Variants in ANKFN1 observed in about 807,000 individuals in gnomAD.
ANKFN1 encodes ankyrin repeat and fibronectin type-III domain-containing protein 1.
A neutral mutation model predicts 108.7 loss-of-function variants in ANKFN1; 74 were observed. The ratio of observed to expected loss-of-function variants is 0.68; its 90% CI spans 0.56 to 0.83. ANKFN1 has a LOEUF of 0.83. Among genes scored for constraint, ANKFN1 ranks in the 40% least tolerant of loss-of-function variants. The pLI, the probability that ANKFN1 is intolerant of heterozygous loss-of-function variation, is 0.00. For missense variants in ANKFN1, 1,505 were observed against 1,382.3 expected (o/e 1.09, Z -1.41); for synonymous variants, 547 against 516.2 (o/e 1.06, Z -0.81).
At chr17:56,112,228 A>C (rs1906006941) in intron 4 of ANKFN1, among the ~76,000 whole-genome samples, 1 of 152,100 alleles carries the variant, frequency 6.6e-6, no homozygotes, top group Admixed American at 6.6e-5. Context: ...TCATGGCTAA[A>C]AACCATTCTA....
chr17:56,153,434 T>C, upstream of ANKFN1: 1 of 1,570,726 alleles, frequency 6.4e-7, no homozygotes, highest in Non-Finnish European at 8.8e-7. Context: ...AACGGGACCG[T>C]GTGGACATTC....
intron 2 of ANKFN1, among the ~76,000 whole-genome samples, chr17:56,213,897 G>C (rs1410839867): frequency 6.6e-6 from 1 of 152,190 alleles, no homozygotes; most frequent in Non-Finnish European, 1.5e-5. Context: ...CAAAGGATGG[G>C]AGGACAGTCC....
rs567267800 is a variant in ANKFN1 at position 56,336,592 on chromosome 17, A to G, written c.188+10237A>G. On this transcript the variant is annotated intron_variant, in intron 4 of 20. Coordinates refer to ENST00000682825, the MANE Select transcript of ANKFN1 (RefSeq NM_001370326.1). ...CCCTTTATCATTTTTTATTGCATCTATTTGATTCTTCTCTCTTTTCCTCTT... is the reference window on the plus strand; with the variant it reads ...CCCTTTATCATTTTTTATTGCATCTGTTTGATTCTTCTCTCTTTTCCTCTT... Among the ~76,000 whole-genome samples, 9 of 152,046 alleles carry G rather than the reference A, an allele frequency of 5.9e-5. No individual in the cohort carries two copies. The East Asian group carries it at 1.7e-3, about 29-fold the overall frequency.
chr17:56,505,560 A>G (rs1479666226), intron 20 of ANKFN1, among the ~76,000 whole-genome samples: 1 of 152,224 alleles, frequency 6.6e-6, no homozygotes, highest in African/African-American at 2.4e-5. Context: ...ATATTTACTA[A>G]GCAGAGATGA....
At position 56,466,452 on chromosome 17, in the gene ANKFN1, A is replaced by T; in HGVS notation, c.1654A>T (p.Met552Leu). The change falls in exon 15 of 21, where the codon ATG (methionine) becomes TTG (leucine). Residue 552 changes from methionine to leucine, a missense_variant. Coordinates refer to ENST00000682825, the MANE Select transcript of ANKFN1 (RefSeq NM_001370326.1). ...ILIVTIREVE[M>L]LYSFFNGKWM... Reference sequence around the variant, plus strand: ...CATAGTCACCATCAGGGAGGTGGAGATGCTTTATTCATTTTTTAATGGCAA... The same window carrying T: ...CATAGTCACCATCAGGGAGGTGGAGTTGCTTTATTCATTTTTTAATGGCAA... 6.2e-7 allele frequency: 1 copy of T among 1,614,136 alleles called. No homozygotes were observed. Among genetic ancestry groups the T allele is most frequent in the Non-Finnish European group, 8.5e-7 (1 of 1,180,020 alleles).
At chr17:56,151,624 G>A (rs1353964438), upstream of ANKFN1, among the ~76,000 whole-genome samples, 1 of 152,100 alleles carries the variant, frequency 6.6e-6, no homozygotes, top group Non-Finnish European at 1.5e-5. Context: ...CACGTACCAT[G>A]CAAGCCTAAC....
intron 8 of ANKFN1, among the ~76,000 whole-genome samples, chr17:56,400,802 A>G (rs186557319): frequency 2.0e-5 from 3 of 152,136 alleles, no homozygotes; most frequent in African/African-American, 7.2e-5. Flanking sequence ...ATTCTCCTAC[A>G]TGTGGCTAGC....
intron 8 of ANKFN1, among the ~76,000 whole-genome samples, chr17:56,431,317 T>G (rs2048747192): frequency 6.6e-6 from 1 of 152,200 alleles, no homozygotes; most frequent in African/African-American, 2.4e-5. Flanking sequence ...TTAAAATTAT[T>G]TATTATGAGA....
chr17:56,110,213 C>G (rs1190997635), intron 4 of ANKFN1, among the ~76,000 whole-genome samples: 1 of 152,190 alleles, frequency 6.6e-6, no homozygotes, highest in Non-Finnish European at 1.5e-5. Context: ...GCCACTCGAG[C>G]CTTCTTCCCT....
intron 1 of ANKFN1, among the ~76,000 whole-genome samples, chr17:56,193,701 G>C (rs1913232668): frequency 6.6e-6 from 1 of 152,050 alleles, no homozygotes; most frequent in Non-Finnish European, 1.5e-5. Context: ...CAAAAATGTG[G>C]ATGGTCTTTG....
At chr17:56,095,549 G>A (rs28497335) in intron 4 of ANKFN1, among the ~76,000 whole-genome samples, 10,810 of 141,850 alleles carry the variant, frequency 0.076, 1,290 homozygotes, top group African/African-American at 0.23. Flanking sequence ...CAATCTTCCC[G>A]CCTCAGCCTC....
At chr17:56,145,612 C>T (rs1176106391) in intron 4 of ANKFN1, among the ~76,000 whole-genome samples, 1 of 152,150 alleles carries the variant, frequency 6.6e-6, no homozygotes, top group East Asian at 1.9e-4. Context: ...CAATTACCTC[C>T]ACCTCGTCCC....
At chr17:56,430,360 C>A (rs920267911) in intron 8 of ANKFN1, among the ~76,000 whole-genome samples, 1 of 151,782 alleles carries the variant, frequency 6.6e-6, no homozygotes, top group Non-Finnish European at 1.5e-5. Context: ...TAGCAGTAAC[C>A]GGGGCAGTCG....
At chr17:56,419,582 C>T (rs1208142021) in intron 8 of ANKFN1, among the ~76,000 whole-genome samples, 1 of 151,768 alleles carries the variant, frequency 6.6e-6, no homozygotes, top group African/African-American at 2.4e-5. Context: ...TTACTTGAGG[C>T]CAGGATTTCT....
At position 56,513,328 on chromosome 17, in the gene ANKFN1, G is replaced by T. The variant is rs1364481294; in HGVS notation, c.*2059G>T. Among the ~76,000 whole-genome samples the T allele has an allele frequency of 6.6e-6, 1 of 152,114 alleles. No homozygotes were observed. The highest frequency in any genetic ancestry group is 1.5e-5 in the Non-Finnish European group (1 of 68,028). ...GAGCTGCTTGTTGCCAAGGAATACAGACTTCATGTAATACACATCTAAGTT... is the reference window on the plus strand; with the variant it reads ...GAGCTGCTTGTTGCCAAGGAATACATACTTCATGTAATACACATCTAAGTT... On this transcript the variant is annotated 3_prime_UTR_variant, in exon 21 of 21. Transcript: ENST00000682825.
intron 4 of ANKFN1, among the ~76,000 whole-genome samples, chr17:56,139,638 C>T (rs557197461): frequency 4.3e-4 from 65 of 152,270 alleles, no homozygotes; most frequent in African/African-American, 1.4e-3. Context: ...GAAATGTTAA[C>T]GGAACAGTCA....
At chr17:56,077,223 T>C (rs1290311822) in intron 4 of ANKFN1, among the ~76,000 whole-genome samples, 1 of 152,234 alleles carries the variant, frequency 6.6e-6, no homozygotes, top group African/African-American at 2.4e-5. Context: ...ACTTCCCCAC[T>C]GTATTGGTCA....
chr17:56,372,957 C>G, intron 7 of ANKFN1, 117 bp downstream of exon 7: 1 of 1,050,936 alleles, frequency 9.5e-7, no homozygotes, highest in Middle Eastern at 3.0e-4. Flanking sequence ...TGGCCGTTGT[C>G]AGCCTGTATG....
chr17:56,165,107 G>A (rs1007793589), intron 1 of ANKFN1, among the ~76,000 whole-genome samples: 1 of 152,122 alleles, frequency 6.6e-6, no homozygotes, highest in Non-Finnish European at 1.5e-5. Flanking sequence ...TCAGTATCAT[G>A]GAATGAAAAT....
Sources: gnomAD v4.1 joint callset for allele counts (sites outside exome capture counted in the v4.1 genomes callset) on GRCh38, gnomAD v4.1.1 for gene constraint, MANE v1.5 for transcripts, NCBI Gene and HGNC (gene_info 2026-07-23, HGNC 2026-07-21) for gene names.